Variants in IQCJ observed in about 807,000 individuals in gnomAD.
The protein encoded by IQCJ is IQ domain-containing protein J.
A neutral mutation model predicts 11.0 loss-of-function variants in IQCJ; 9 were observed. The observed-to-expected ratio is 0.82, with a 90% CI of 0.49 to 1.43. IQCJ has a LOEUF of 1.43. Among genes scored for constraint, IQCJ ranks in the 40% most tolerant of loss-of-function variants. The pLI, the probability that IQCJ is intolerant of heterozygous loss-of-function variation, is 0.00. For synonymous variants in IQCJ, 55 were observed against 51.3 expected, an observed-to-expected ratio of 1.07 and a Z score of -0.31; for missense variants, 146 against 133.2, an observed-to-expected ratio of 1.10 and a Z score of -0.47.
chr3:159,245,346 G>A (rs1249409688), intron 1 of IQCJ, among the ~76,000 whole-genome samples: 4 of 150,878 alleles, frequency 2.7e-5, no homozygotes, highest in African/African-American at 9.7e-5. Flanking sequence ...AAACATTAGT[G>A]AGTAAAAAAA....
intron 1 of IQCJ, among the ~76,000 whole-genome samples, chr3:159,071,274 A>G (rs1715543173): frequency 6.8e-6 from 1 of 147,448 alleles, no homozygotes; most frequent in Non-Finnish European, 1.5e-5. Context: ...TTATATTAGG[A>G]GCCATTAAAA....
At chr3:159,229,239 C>T (rs191033332) in intron 1 of IQCJ, among the ~76,000 whole-genome samples, 1 of 152,256 alleles carries the variant, frequency 6.6e-6, no homozygotes, top group African/African-American at 2.4e-5. Flanking sequence ...CCATTCCAGT[C>T]GGCCAATAAG....
rs945028235 is a variant in IQCJ, at chr3:159,145,183, T to C, written c.9+75742T>C. On this transcript the variant is annotated intron_variant, in intron 1 of 3. Transcript: ENST00000397832. ...AACATCCAGAAAATAGTAGCTGAAT[T>C]GATTTATTTCAGATTGTTGCTATGG... Among the ~76,000 whole-genome samples, 9 of 152,282 alleles carry C rather than the reference T, an allele frequency of 5.9e-5. No individual in the cohort carries two copies. The South Asian group carries it at 8.3e-4, about 14-fold the overall frequency.
At chr3:159,090,318 C>A (rs950534326) in intron 1 of IQCJ, among the ~76,000 whole-genome samples, 1 of 151,834 alleles carries the variant, frequency 6.6e-6, no homozygotes, top group Non-Finnish European at 1.5e-5. Context: ...GGGAGAACCA[C>A]TGCTCTCTTC....
chr3:159,108,006 C>CAAAA (rs367862873), intron 1 of IQCJ, among the ~76,000 whole-genome samples: 14 of 100,892 alleles, frequency 1.4e-4, no homozygotes, highest in South Asian at 3.6e-4. Flanking sequence ...TATGGTTTTC[C>CAAAA]AAAAAAAAAA....
At chr3:159,174,557 C>T (rs2107999916) in intron 1 of IQCJ, among the ~76,000 whole-genome samples, 1 of 152,052 alleles carries the variant, frequency 6.6e-6, no homozygotes, top group East Asian at 1.9e-4. Flanking sequence ...TTTTATTTAT[C>T]TTTAACTTCA....
intron 1 of IQCJ, among the ~76,000 whole-genome samples, chr3:159,126,977 T>C (rs1719714171): frequency 6.6e-6 from 1 of 152,224 alleles, no homozygotes; most frequent in Non-Finnish European, 1.5e-5. Flanking sequence ...CTGGAAGCCT[T>C]GGGCAGATTT....
chr3:159,248,256 G>A (rs1727388780), intron 2 of IQCJ, among the ~76,000 whole-genome samples: 1 of 152,142 alleles, frequency 6.6e-6, no homozygotes, highest in African/African-American at 2.4e-5. Context: ...GCAAGGGTTT[G>A]GGCAAGACAA....
At chr3:159,207,286 A>G (rs1279781524) in intron 1 of IQCJ, among the ~76,000 whole-genome samples, 2 of 152,210 alleles carry the variant, frequency 1.3e-5, no homozygotes, top group African/African-American at 2.4e-5. Flanking sequence ...TTAACATTCT[A>G]TAATTTTCTT....
chr3:159,069,446 T>C lies in IQCJ; in HGVS notation c.9+5T>C, dbSNP rs775864510. 2 of 1,608,650 alleles carry C rather than the reference T, an allele frequency of 1.2e-6. No individual in the cohort carries two copies. Among genetic ancestry groups the C allele is most frequent in the Admixed American group, 3.4e-5 (2 of 58,808 alleles). On this transcript the variant is annotated splice_donor_5th_base_variant and intron_variant, in intron 1 of 3. Coordinates refer to ENST00000397832, the MANE Select transcript of IQCJ (RefSeq NM_001042706.3). ...AGAAACTTCAAAATGCGTCTGGTAA[T>C]GTATTTGCTTTTCTAAACGTGCCAC...
At chr3:159,112,436 T>C (rs988619892) in intron 1 of IQCJ, among the ~76,000 whole-genome samples, 1 of 152,226 alleles carries the variant, frequency 6.6e-6, no homozygotes, top group African/African-American at 2.4e-5. Flanking sequence ...GTTGTAGTCT[T>C]TTTATTTTCC....
intron 1 of IQCJ, among the ~76,000 whole-genome samples, chr3:159,165,296 C>A (rs1324832738): frequency 6.6e-6 from 1 of 152,168 alleles, no homozygotes; most frequent in African/African-American, 2.4e-5. Flanking sequence ...TAGCACATAT[C>A]ACAAGGTGTT....
At chr3:159,203,264 T>C (rs1372234760) in intron 1 of IQCJ, among the ~76,000 whole-genome samples, 2 of 148,826 alleles carry the variant, frequency 1.3e-5, no homozygotes, top group Middle Eastern at 3.4e-3. Flanking sequence ...GATTTGAGCA[T>C]GTCAGCAGCA....
At chr3:159,086,623 G>T (rs1716795394) in intron 1 of IQCJ, among the ~76,000 whole-genome samples, 1 of 151,510 alleles carries the variant, frequency 6.6e-6, no homozygotes, top group African/African-American at 2.4e-5. Flanking sequence ...TCCTTGAAGA[G>T]GTCCTTCACA....
chr3:159,214,174 C>G (rs1050293485), intron 1 of IQCJ, among the ~76,000 whole-genome samples: 15 of 152,178 alleles, frequency 9.9e-5, no homozygotes, highest in African/African-American at 3.6e-4. Flanking sequence ...AAAACATTAT[C>G]AACTCCATTC....
chr3:159,219,291 T>G (rs1232772682), intron 1 of IQCJ, among the ~76,000 whole-genome samples: 1 of 151,880 alleles, frequency 6.6e-6, no homozygotes, highest in African/African-American at 2.4e-5. Flanking sequence ...ACTCAGAATT[T>G]TTTTCAAACT....
chr3:159,107,618 T>G (rs1470911742), intron 1 of IQCJ, among the ~76,000 whole-genome samples: 3 of 152,164 alleles, frequency 2.0e-5, no homozygotes, highest in African/African-American at 7.2e-5. Flanking sequence ...CTATTAATAA[T>G]AATTTATTTA....
chr3:159,089,118 G>A (rs1039693398), intron 1 of IQCJ, among the ~76,000 whole-genome samples: 1 of 152,040 alleles, frequency 6.6e-6, no homozygotes, highest in Admixed American at 6.5e-5. Flanking sequence ...AGGCCTGGTG[G>A]TGACGAAATC....
intron 1 of IQCJ, among the ~76,000 whole-genome samples, chr3:159,077,781 T>C (rs1452588488): frequency 6.6e-6 from 1 of 152,122 alleles, no homozygotes; most frequent in Non-Finnish European, 1.5e-5. Context: ...TTTTAAAACA[T>C]GGGCATATAT....
Sources: gnomAD v4.1 joint callset for allele counts (sites outside exome capture counted in the v4.1 genomes callset) on GRCh38, gnomAD v4.1.1 for gene constraint, MANE v1.5 for transcripts, NCBI Gene and HGNC (gene_info 2026-07-23, HGNC 2026-07-21) for gene names.